Variants in DTX1 observed in about 807,000 individuals in gnomAD.
DTX1 encodes the protein E3 ubiquitin-protein ligase DTX1.
A neutral mutation model predicts 57.8 loss-of-function variants in DTX1; 26 were observed. That is an observed-to-expected ratio of 0.45 (90% CI 0.33 to 0.62). DTX1 has a LOEUF of 0.62. Among genes scored for constraint, DTX1 ranks in the 20% least tolerant of loss-of-function variants. DTX1 has a pLI of 0.02. For synonymous variants in DTX1, 398 were observed against 394.1 expected (o/e 1.01, Z -0.12); for missense variants, 704 against 895.3 (o/e 0.79, Z 2.73).
At chr12:113,090,681 G>T (rs1950241337) in intron 3 of DTX1, among the ~76,000 whole-genome samples, 1 of 152,200 alleles carries the variant, frequency 6.6e-6, no homozygotes, top group Admixed American at 6.5e-5. Context: ...CCAGATGTCT[G>T]CTCCAGACCT....
At chr12:113,081,311 A>C (rs2136061371) in intron 3 of DTX1, among the ~76,000 whole-genome samples, 1 of 152,342 alleles carries the variant, frequency 6.6e-6, no homozygotes, top group East Asian at 1.9e-4. Flanking sequence ...CCTGGGTAAC[A>C]GAGTGAGACT....
intron 9 of DTX1, among the ~76,000 whole-genome samples, chr12:113,096,220 C>T (rs186685721): frequency 7.2e-4 from 107 of 149,518 alleles, no homozygotes; most frequent in African/African-American, 2.4e-3. Flanking sequence ...AAAAAACAGG[C>T]AGGCCAAGCG....
intron 3 of DTX1, among the ~76,000 whole-genome samples, chr12:113,089,190 A>G (rs2136065213): frequency 6.6e-6 from 1 of 152,250 alleles, no homozygotes; most frequent in East Asian, 1.9e-4. Flanking sequence ...TGCTTGAGAA[A>G]GAGCAGAGAG....
intron 3 of DTX1, among the ~76,000 whole-genome samples, chr12:113,083,458 G>A (rs2044832704): frequency 1.3e-5 from 2 of 151,984 alleles, no homozygotes. Context: ...CCCAAGTAGT[G>A]GAGATTACAG....
rs1320177258 is a variant in DTX1 at position 113,093,907 on chromosome 12, C to G, written c.1166-131C>G. On this transcript the variant is annotated intron_variant, in intron 5 of 9. Transcript: ENST00000548759. The surrounding 1 kb of genome is among the most constrained non-coding windows in gnomAD (Gnocchi z 4.2). ...CCCCTGACCTCTGACCCTGGCCAACCCTTGCCAGCCTGACCCCGGCCAACC... is the reference window on the plus strand; with the variant it reads ...CCCCTGACCTCTGACCCTGGCCAACGCTTGCCAGCCTGACCCCGGCCAACC... 6.9e-6 allele frequency: 10 copies of G among 1,445,504 alleles called. No homozygotes were observed. Among genetic ancestry groups the G allele is most frequent in the Non-Finnish European group, 8.5e-6 (9 of 1,052,894 alleles). 89.5% of individuals were successfully genotyped at this position (1,445,504 alleles called of 1,614,324 possible).
intron 2 of DTX1, among the ~76,000 whole-genome samples, chr12:113,071,382 G>A (rs907052865): frequency 6.6e-6 from 1 of 152,244 alleles, no homozygotes; most frequent in Non-Finnish European, 1.5e-5. Context: ...CAACTAGGGA[G>A]GAGAGAGAAG....
rs12831224 is a variant in DTX1 at position 113,093,364 on chromosome 12, A to G, written c.1003+141A>G. ...CCCCCTTCCACTGGGCCCAGGACAC[A>G]GGGCGGGCGTGGCCCGCAGAAAGGC... On this transcript the variant is annotated intron_variant, in intron 4 of 9. Transcript: ENST00000548759. This position sits in a 1 kb window ranked among gnomAD's most constrained non-coding sequence, Gnocchi z 4.2. 17,610 of 1,327,072 alleles carry G rather than the reference A, an allele frequency of 0.013. 297 individuals are homozygous for G. The highest frequency in any genetic ancestry group is 0.057 in the South Asian group (3,769 of 66,382). 82.2% of individuals were successfully genotyped at this position (1,327,072 alleles called of 1,614,324 possible).
At chr12:113,067,823 G>A (rs548861471) in intron 2 of DTX1, among the ~76,000 whole-genome samples, 3 of 152,190 alleles carry the variant, frequency 2.0e-5, no homozygotes, top group African/African-American at 7.2e-5. Flanking sequence ...CTTGAGCACA[G>A]GAGTTTAAGA....
rs1209811902 is a variant in DTX1 at position 113,093,359 on chromosome 12, G to C, written c.1003+136G>C. ...AAACGCCCCCTTCCACTGGGCCCAG[G>C]ACACAGGGCGGGCGTGGCCCGCAGA... On this transcript the variant is annotated intron_variant, in intron 4 of 9. Coordinates refer to ENST00000548759, the MANE Select transcript of DTX1 (RefSeq NM_004416.3). The surrounding 1 kb of genome is among the most constrained non-coding windows in gnomAD (Gnocchi z 4.2). 1 of 1,342,278 alleles carries C rather than the reference G, an allele frequency of 7.5e-7. No homozygotes were observed. Among genetic ancestry groups the C allele is most frequent in the East Asian group, 2.5e-5 (1 of 39,566 alleles). 83.1% of individuals were successfully genotyped at this position (1,342,278 alleles called of 1,614,324 possible).
chr12:113,065,290 C>G (rs1592842469), intron 2 of DTX1, among the ~76,000 whole-genome samples: 1 of 152,196 alleles, frequency 6.6e-6, no homozygotes, highest in East Asian at 1.9e-4. Context: ...CATAGTAAAG[C>G]TGAAGCTCAG....
chr12:113,097,283 CAGAA>C lies in DTX1; in HGVS notation c.*348_*351del, dbSNP rs1950314760. 1 of 258,970 alleles carries C rather than the reference CAGAA, an allele frequency of 3.9e-6. No homozygotes were observed. The allele number at this position is 258,970 out of a possible 1,614,324, so 16.0% of individuals were successfully genotyped here. A position where few individuals can be genotyped will look rare whatever the true frequency, so the allele number is the denominator to read the frequency against. Reference sequence around the variant, plus strand: ...TGCCCCCAGGCTGGAAGAGAAGAGACAGAAAGACCCCATGACCCCCCCATGTGGA... The same window carrying C: ...TGCCCCCAGGCTGGAAGAGAAGAGACAGACCCCATGACCCCCCCATGTGGA... On this transcript the variant is annotated 3_prime_UTR_variant, in exon 10 of 10. Transcript: ENST00000548759.
In DTX1 at chr12:113,094,019, C is replaced by G. The variant is rs747734580; in HGVS notation, c.1166-19C>G. ...CAGACTCTGGGTACCCTCAAACCCA[C>G]CCCGCTGTGTCCCTGCAGGTAAGAA... On this transcript the variant is annotated intron_variant, in intron 5 of 9. Transcript: ENST00000548759. The G allele has an allele frequency of 6.4e-7, 1 of 1,568,548 alleles. No homozygotes were observed. The highest frequency in any genetic ancestry group is 1.3e-5 in the African/African-American group (1 of 74,408).
intron 2 of DTX1, among the ~76,000 whole-genome samples, chr12:113,061,602 T>C (rs1566012670): frequency 6.6e-6 from 1 of 152,220 alleles, no homozygotes; most frequent in Non-Finnish European, 1.5e-5. Context: ...AGAATCTGGC[T>C]GATTTTATCC....
At position 113,077,838 on chromosome 12, in the gene DTX1, A is replaced by G; in HGVS notation, c.674A>G (p.Lys225Arg). Residue 225 changes from lysine to arginine, a missense_variant, in exon 3 of 10, where the codon AAG becomes AGG. Coordinates refer to ENST00000548759, the MANE Select transcript of DTX1 (RefSeq NM_004416.3). The surrounding 1 kb of genome is among the most constrained non-coding windows in gnomAD (Gnocchi z 7.8). ...SNAILASQRR[K>R]APPAPPLPPP... ...GCCATCCTGGCCTCGCAGCGCCGCA[A>G]GGCGCCCCCCGCGCCCCCGCTGCCG... 2.2e-6 allele frequency: 3 copies of G among 1,363,760 alleles called. No individual in the cohort carries two copies. Among genetic ancestry groups the G allele is most frequent in the South Asian group, 3.5e-5 (2 of 56,676 alleles). The allele number at this position is 1,363,760 out of a possible 1,614,324, so 84.5% of individuals were successfully genotyped here.
rs564919199 is a variant in DTX1 at position 113,088,380 on chromosome 12, A to T, written c.942-4782A>T. Among the ~76,000 whole-genome samples, 4 of 152,332 alleles carry T rather than the reference A, an allele frequency of 2.6e-5. No individual in the cohort carries two copies. In the East Asian group the frequency reaches 7.7e-4, roughly 29 times the overall value. ...CTGCTGTGGGTGCTAGGAGGACAGT[A>T]GTGGTATGCACTCATATATTTGACA... On this transcript the variant is annotated intron_variant, in intron 3 of 9. Transcript: ENST00000548759.
chr12:113,091,774 CA>C (rs1373199650), intron 3 of DTX1, among the ~76,000 whole-genome samples: 1 of 152,216 alleles, frequency 6.6e-6, no homozygotes, highest in African/African-American at 2.4e-5. Context: ...CGGCCAGAGC[CA>C]AGGGGGCTGC....
chr12:113,060,462 G>A (rs943265427), intron 2 of DTX1, among the ~76,000 whole-genome samples: 1 of 152,210 alleles, frequency 6.6e-6, no homozygotes, highest in Non-Finnish European at 1.5e-5. Context: ...TGTTTGAACA[G>A]AGATCTGAAG....
intron 3 of DTX1, among the ~76,000 whole-genome samples, chr12:113,087,155 C>T (rs1283496390): frequency 1.3e-5 from 2 of 152,134 alleles, no homozygotes; most frequent in Non-Finnish European, 2.9e-5. Context: ...CCCCATACCT[C>T]TAGATAAATC....
At chr12:113,078,625 C>A (rs1052757295) in intron 3 of DTX1, among the ~76,000 whole-genome samples, 6 of 152,128 alleles carry the variant, frequency 3.9e-5, no homozygotes, top group Admixed American at 1.3e-4. Context: ...AGCTATGGTG[C>A]CTTCTCAGGG....
Sources: allele counts gnomAD v4.1 joint callset (sites outside exome capture counted in the v4.1 genomes callset), GRCh38; gene constraint gnomAD v4.1.1; non-coding constraint Gnocchi (gnomAD v3.1); transcripts MANE v1.5; gene names NCBI Gene and HGNC (gene_info 2026-07-23, HGNC 2026-07-21).